Variants in SNRPN observed in about 807,000 individuals in gnomAD.
SNRPN encodes small nuclear ribonucleoprotein-associated protein N.
Under a neutral mutation model 25.2 loss-of-function variants are expected in SNRPN, and 7 were observed. The ratio of observed to expected loss-of-function variants is 0.28; its 90% CI spans 0.16 to 0.52. The LOEUF (loss-of-function observed/expected upper bound fraction) is 0.52. Ranked by LOEUF, SNRPN falls within the 20% of genes least tolerant of loss-of-function variation. SNRPN has a pLI of 0.96. For missense variants in SNRPN, 196 were observed against 322.5 expected (o/e 0.61, Z 3.00); for synonymous variants, 124 against 110.6 (o/e 1.12, Z -0.76).
Position 24,977,816 on chromosome 15 carries a change from T to A in SNRPN, c.459T>A (p.Ala153=). 6.2e-7 allele frequency: 1 copy of A among 1,613,046 alleles called. No homozygotes were observed. Among genetic ancestry groups the A allele is most frequent in the Non-Finnish European group, 8.5e-7 (1 of 1,179,344 alleles). ...AGGGAAGAGGCACTGTAGCAGCTGCTGCTGTTGCTGCGACTGCCAGTATTG... is the reference window on the plus strand; with the variant it reads ...AGGGAAGAGGCACTGTAGCAGCTGCAGCTGTTGCTGCGACTGCCAGTATTG... The part of the protein sequence containing the change: ...TPQGRGTVAA[A]AVAATASIAG... The change falls in exon 8 of 10, where the codon GCT becomes GCA. Residue 153 remains alanine, a synonymous_variant. Transcript: ENST00000390687.
intron 2 of SNRPN, among the ~76,000 whole-genome samples, chr15:24,918,827 TATATATA>T (rs1392723778): frequency 8.1e-6 from 1 of 123,912 alleles, no homozygotes; most frequent in Non-Finnish European, 1.6e-5. Context: ...TATGTGCGCA[TATATATA>T]ATATATATAT....
At chr15:24,863,146 C>T (rs971758381) in intron 1 of SNRPN, among the ~76,000 whole-genome samples, 2 of 150,468 alleles carry the variant, frequency 1.3e-5, no homozygotes, top group African/African-American at 2.5e-5. Context: ...GTAGCATTAC[C>T]AGGAGGGGTT....
At chr15:24,954,931 G>A (rs535121610), upstream of SNRPN, 132 of 1,455,758 alleles carry the variant, frequency 9.1e-5, 1 homozygote, top group South Asian at 1.4e-3. Flanking sequence ...GCAGGCTGGC[G>A]CGCATGCTCA....
chr15:24,921,013 C>A (rs1313290379), intron 3 of SNRPN: 1 of 152,162 alleles, frequency 6.6e-6, no homozygotes, highest in Non-Finnish European at 1.5e-5. Context: ...TATTTTCCAT[C>A]CACTTCAGCC....
intron 1 of SNRPN, among the ~76,000 whole-genome samples, chr15:24,885,037 G>A (rs2057072856): frequency 2.6e-5 from 4 of 152,270 alleles, no homozygotes; most frequent in South Asian, 2.1e-4. Context: ...CTGTGTCTAC[G>A]TGCAGATGGG....
At chr15:24,846,173 C>T (rs1339741246) in intron 2 of SNRPN, among the ~76,000 whole-genome samples, 1 of 151,894 alleles carries the variant, frequency 6.6e-6, no homozygotes, top group East Asian at 1.9e-4. Context: ...TTTTGAATAT[C>T]AATCTGATCA....
chr15:24,947,544 C>T (rs1188788845), intron 3 of SNRPN, among the ~76,000 whole-genome samples: 1 of 152,166 alleles, frequency 6.6e-6, no homozygotes, highest in South Asian at 2.1e-4. Flanking sequence ...TAGAGAATTG[C>T]CTGAACCCGG....
intron 1 of SNRPN, among the ~76,000 whole-genome samples, chr15:24,958,397 T>TG (rs1223908035): frequency 1.3e-5 from 2 of 151,684 alleles, no homozygotes; most frequent in African/African-American, 4.8e-5. Flanking sequence ...TTTTTTTTTT[T>TG]TTTTGTGGCC....
At chr15:24,854,392 C>G (rs2053186988), upstream of SNRPN, among the ~76,000 whole-genome samples, 1 of 152,178 alleles carries the variant, frequency 6.6e-6, no homozygotes, top group African/African-American at 2.4e-5. Flanking sequence ...TCATGTAGAT[C>G]ACCCTCTATA....
upstream of SNRPN, among the ~76,000 whole-genome samples, chr15:24,953,477 T>A (rs1361020505): frequency 6.6e-6 from 1 of 152,086 alleles, no homozygotes; most frequent in East Asian, 1.9e-4. Context: ...GCATGTGCCA[T>A]CACGCCCAGC....
chr15:24,874,242 G>T (rs1566853333), intron 1 of SNRPN, among the ~76,000 whole-genome samples: 1 of 148,934 alleles, frequency 6.7e-6, no homozygotes, highest in African/African-American at 2.5e-5. Context: ...CCCGGGAGGT[G>T]GAGCTTGCAG....
intron 3 of SNRPN, among the ~76,000 whole-genome samples, chr15:24,932,220 G>A (rs2060918698): frequency 6.6e-6 from 1 of 152,128 alleles, no homozygotes; most frequent in Non-Finnish European, 1.5e-5. Context: ...TTATAGGCCA[G>A]GGTTAAGACT....
upstream of SNRPN, chr15:24,851,723 G>A (rs1048830737): frequency 6.6e-6 from 1 of 152,244 alleles, no homozygotes; most frequent in Non-Finnish European, 1.5e-5. Context: ...AGTGAGGATA[G>A]CCTCTGTGTC....
At chr15:24,958,282 A>AT (rs978798542) in intron 1 of SNRPN, among the ~76,000 whole-genome samples, 1 of 151,718 alleles carries the variant, frequency 6.6e-6, no homozygotes, top group Non-Finnish European at 1.5e-5. Flanking sequence ...CTGTTTAGCT[A>AT]TTTTTTAGGA....
intron 3 of SNRPN, among the ~76,000 whole-genome samples, chr15:24,948,195 C>T (rs944048460): frequency 3.9e-5 from 6 of 152,098 alleles, no homozygotes; most frequent in Non-Finnish European, 8.8e-5. Flanking sequence ...CTCACTGCAA[C>T]CTCCAGCTCC....
intron 1 of SNRPN, among the ~76,000 whole-genome samples, chr15:24,870,561 A>T (rs1473375030): frequency 1.3e-5 from 2 of 149,412 alleles, no homozygotes; most frequent in Non-Finnish European, 3.0e-5. Flanking sequence ...GTTAGAGGCT[A>T]CATGCATAGT....
chr15:24,851,848 C>G (rs1325293565), upstream of SNRPN: 1 of 152,150 alleles, frequency 6.6e-6, no homozygotes, highest in Non-Finnish European at 1.5e-5. Context: ...TTGGATGCTC[C>G]TGTTCATGTC....
upstream of SNRPN, among the ~76,000 whole-genome samples, chr15:24,951,943 G>C (rs2062310081): frequency 6.6e-6 from 1 of 152,088 alleles, no homozygotes. Context: ...TTATGTAACT[G>C]TGATGAAGTT....
chr15:24,976,242 A>T, intron 5 of SNRPN, 63 bp from the exon 6 acceptor site: 1 of 1,240,614 alleles, frequency 8.1e-7, no homozygotes, highest in Non-Finnish European at 1.2e-6. Context: ...AGGTTGTATA[A>T]ATATTTTGAT....
Sources: gnomAD v4.1 joint callset for allele counts (sites outside exome capture counted in the v4.1 genomes callset) on GRCh38, gnomAD v4.1.1 for gene constraint, MANE v1.5 for transcripts, NCBI Gene and HGNC (gene_info 2026-07-23, HGNC 2026-07-21) for gene names.